The following FAM227B variants were observed in gnomAD, a reference collection of about 807,000 sequenced individuals.
FAM227B encodes the protein family with sequence similarity 227 member B.
In FAM227B, 88 loss-of-function variants were observed where a neutral mutation model predicts 73.8. The ratio of observed to expected loss-of-function variants is 1.19; its 90% confidence interval spans 1.00 to 1.42. The LOEUF is 1.42. Among genes scored for constraint, FAM227B ranks in the 40% most tolerant of loss-of-function variants. FAM227B has a pLI of 0.00. For synonymous variants in FAM227B, 210 were observed against 190.5 expected, an observed-to-expected ratio of 1.10 and a Z score of -0.84; for missense variants, 632 against 590.9, an observed-to-expected ratio of 1.07 and a Z score of -0.72.
In FAM227B at chr15:49,377,754, T is replaced by A. The variant is rs1330668908; in HGVS notation, c.1013-6355A>T. Among the ~76,000 whole-genome samples, 11 of 152,270 alleles carry A rather than the reference T, an allele frequency of 7.2e-5. No individual in the cohort carries two copies. The East Asian group carries it at 2.1e-3, about 29-fold the overall frequency. On this transcript the variant is annotated intron_variant, in intron 11 of 15. Coordinates refer to ENST00000299338, the MANE Select transcript of FAM227B (RefSeq NM_152647.3). ...ACTTGAGCTCCTTATATACCCTGGTTATTAATCCCTTGTCAGATAAGTAGT... is the reference window on the plus strand; with the variant it reads ...ACTTGAGCTCCTTATATACCCTGGTAATTAATCCCTTGTCAGATAAGTAGT...
chr15:49,409,760 T>C (rs73398260), intron 11 of FAM227B, among the ~76,000 whole-genome samples: 1,536 of 152,212 alleles, frequency 0.01, 23 homozygotes, highest in African/African-American at 0.036. Context: ...TGGCAAACTA[T>C]ACCTAAGACT....
intron 11 of FAM227B, chr15:49,424,722 C>T: frequency 1.7e-6 from 1 of 603,314 alleles, no homozygotes; most frequent in Non-Finnish European, 2.7e-6. Flanking sequence ...CTAAATTGAA[C>T]TATGTTGAAC....
intron 9 of FAM227B, among the ~76,000 whole-genome samples, chr15:49,552,651 C>A (rs533497524): frequency 6.6e-6 from 1 of 152,054 alleles, no homozygotes; most frequent in Non-Finnish European, 1.5e-5. Flanking sequence ...ATCCTGTAGG[C>A]ATGTTTCATT....
chr15:49,527,610 T>C (rs1258163514), intron 10 of FAM227B, among the ~76,000 whole-genome samples: 1 of 151,908 alleles, frequency 6.6e-6, no homozygotes, highest in Non-Finnish European at 1.5e-5. Context: ...AAACTTTAAG[T>C]ATTCCTCCAA....
chr15:49,547,303 C>A (rs560574669), intron 9 of FAM227B, among the ~76,000 whole-genome samples: 1 of 151,400 alleles, frequency 6.6e-6, no homozygotes, highest in African/African-American at 2.4e-5. Context: ...AAGGAACAAC[C>A]AGTACCAGCC....
chr15:49,410,579 T>C (rs578126275), intron 11 of FAM227B, among the ~76,000 whole-genome samples: 1 of 152,262 alleles, frequency 6.6e-6, no homozygotes, highest in East Asian at 1.9e-4. Flanking sequence ...TCATTTTCCA[T>C]GTTTAGTTTA....
chr15:49,420,429 C>T (rs144338090), intron 11 of FAM227B, among the ~76,000 whole-genome samples: 216 of 151,898 alleles, frequency 1.4e-3, no homozygotes, highest in African/African-American at 4.7e-3. Context: ...ATGCATATGA[C>T]GTGCTACCTT....
chr15:49,579,508 G>A (rs1156477551), intron 5 of FAM227B, among the ~76,000 whole-genome samples: 2 of 152,172 alleles, frequency 1.3e-5, no homozygotes, highest in Non-Finnish European at 1.5e-5. Flanking sequence ...GGATAAAACT[G>A]GAGGTTGTCT....
chr15:49,581,127 C>A (rs967326280), intron 5 of FAM227B, among the ~76,000 whole-genome samples: 4 of 152,170 alleles, frequency 2.6e-5, no homozygotes, highest in Admixed American at 6.6e-5. Flanking sequence ...ACAGAGAGAA[C>A]CCTTGTGAGA....
chr15:49,438,469 G>T (rs2051311972), intron 11 of FAM227B, among the ~76,000 whole-genome samples: 1 of 151,798 alleles, frequency 6.6e-6, no homozygotes, highest in East Asian at 1.9e-4. Flanking sequence ...TTGCAGAAGA[G>T]AAAAGGGAGA....
At chr15:49,524,797 G>A (rs2060036486) in intron 10 of FAM227B, among the ~76,000 whole-genome samples, 1 of 152,236 alleles carries the variant, frequency 6.6e-6, no homozygotes, top group African/African-American at 2.4e-5. Flanking sequence ...GAGACATGGA[G>A]TCAAAGGAGA....
chr15:49,576,646 T>G, intron 7 of FAM227B, 95 bp downstream of exon 7: 1 of 739,928 alleles, frequency 1.4e-6, no homozygotes, highest in East Asian at 2.7e-5. Flanking sequence ...CAAATCTTGT[T>G]GAACACCTAA....
intron 11 of FAM227B, among the ~76,000 whole-genome samples, chr15:49,431,815 C>T (rs1269898188): frequency 6.6e-6 from 1 of 151,690 alleles, no homozygotes; most frequent in Non-Finnish European, 1.5e-5. Flanking sequence ...TATAGCCCCA[C>T]TAACTTTCTT....
chr15:49,504,876 T>C (rs2058458945), intron 11 of FAM227B, among the ~76,000 whole-genome samples: 1 of 152,190 alleles, frequency 6.6e-6, no homozygotes, highest in South Asian at 2.1e-4. Context: ...ACCATGCTGC[T>C]CTGTCATCCC....
chr15:49,591,833 C>T (rs1457983032), intron 3 of FAM227B, among the ~76,000 whole-genome samples: 1 of 152,088 alleles, frequency 6.6e-6, no homozygotes, highest in African/African-American at 2.4e-5. Context: ...TGCATGTATA[C>T]ACATGCACAC....
chr15:49,425,594 CAT>C (rs1418211557), intron 11 of FAM227B: 9 of 151,864 alleles, frequency 5.9e-5, no homozygotes, highest in Non-Finnish European at 1.2e-4. Context: ...CTGGTGTAAA[CAT>C]GTGCAAATCA....
At chr15:49,497,333 G>A (rs1214353203) in intron 11 of FAM227B, among the ~76,000 whole-genome samples, 1 of 152,172 alleles carries the variant, frequency 6.6e-6, no homozygotes, top group East Asian at 1.9e-4. Context: ...TCTCCACAAT[G>A]ATGACTGTGT....
chr15:49,378,018 T>G (rs2046282627), intron 11 of FAM227B, among the ~76,000 whole-genome samples: 1 of 152,164 alleles, frequency 6.6e-6, no homozygotes, highest in African/African-American at 2.4e-5. Context: ...CTTTATTTCA[T>G]TTTGATTTCA....
rs545827101 is a variant in FAM227B, at chr15:49,384,416, C to CA, written c.1013-13018dup. ...AATGCCTGGAATACAAGGATGAAGA[C>CA]AGGGCTCACTGTCTGTGGGGATGGG... On this transcript the variant is annotated intron_variant, in intron 11 of 15. Coordinates refer to ENST00000299338, the MANE Select transcript of FAM227B (RefSeq NM_152647.3). Among the ~76,000 whole-genome samples the CA allele has an allele frequency of 5.9e-5, 9 of 152,074 alleles. No homozygotes were observed. The South Asian group carries it at 1.9e-3, about 32-fold the overall frequency.
Sources: gnomAD v4.1 joint callset for allele counts (sites outside exome capture counted in the v4.1 genomes callset) on GRCh38, gnomAD v4.1.1 for gene constraint, MANE v1.5 for transcripts, NCBI Gene and HGNC (gene_info 2026-07-23, HGNC 2026-07-21) for gene names.